PRUNE2: variants seen among roughly 807,000 people sequenced by gnomAD.
PRUNE2 encodes the protein prune homolog 2 with BCH domain.
In PRUNE2, 164 loss-of-function variants were observed where a neutral mutation model predicts 252.0. The observed-to-expected ratio is 0.65, with a 90% CI of 0.57 to 0.74. The LOEUF is 0.74. Ranked by LOEUF, PRUNE2 falls within the 30% of genes least tolerant of loss-of-function variation. The pLI, the probability that PRUNE2 is intolerant of heterozygous loss-of-function variation, is 0.00. For missense variants in PRUNE2, 3,495 were observed against 3,711.0 expected (o/e 0.94, Z 1.51); for synonymous variants, 1,292 against 1,350.2 (o/e 0.96, Z 0.94).
intron 6 of PRUNE2, among the ~76,000 whole-genome samples, chr9:76,749,769 T>C (rs1225220211): frequency 6.6e-6 from 1 of 152,150 alleles, no homozygotes; most frequent in African/African-American, 2.4e-5. Context: ...AAAGTACCAC[T>C]TTAACTGGAA....
Position 76,884,579 on chromosome 9 carries a change from A to G in PRUNE2, c.36+21349T>C, listed in dbSNP as rs191049832. On this transcript the variant is annotated intron_variant, in intron 1 of 18. Transcript: ENST00000376718. ...TTTATGTGCACAGTGCTGCAAGAAA[A>G]ATACATAAGAACTGATTCTTGTTCC... Among the ~76,000 whole-genome samples, 3 of 152,302 alleles carry G rather than the reference A, an allele frequency of 2.0e-5. No individual in the cohort carries two copies. In the East Asian group the frequency reaches 5.8e-4, roughly 29 times the overall value.
At chr9:76,884,828 G>A (rs751784466) in intron 1 of PRUNE2, among the ~76,000 whole-genome samples, 1 of 152,200 alleles carries the variant, frequency 6.6e-6, no homozygotes, top group Non-Finnish European at 1.5e-5. Context: ...GAAAAGGCCA[G>A]TTATTTGCTA....
At chr9:76,641,896 C>A in intron 12 of PRUNE2, 6 of 1,500,710 alleles carry the variant, frequency 4.0e-6, no homozygotes, top group Non-Finnish European at 4.4e-6. Flanking sequence ...AACATACACA[C>A]ACACACACCA....
chr9:76,851,417 A>G (rs775555476), intron 2 of PRUNE2, among the ~76,000 whole-genome samples: 14 of 152,084 alleles, frequency 9.2e-5, no homozygotes, highest in Non-Finnish European at 1.8e-4. Flanking sequence ...GCATGGTGGC[A>G]GGTATCTGTA....
intron 4 of PRUNE2, 76 bp downstream of exon 4, chr9:76,846,439 C>T (rs2059673339): frequency 7.7e-7 from 1 of 1,300,408 alleles, no homozygotes; most frequent in Admixed American, 2.1e-5. Flanking sequence ...GAATGGATCG[C>T]ATTCTTTCTA....
chr9:76,787,245 C>A (rs1427788593), intron 6 of PRUNE2: 1 of 151,440 alleles, frequency 6.6e-6, no homozygotes, highest in Non-Finnish European at 1.5e-5. Flanking sequence ...TCTTTTATCA[C>A]CAAAGTGGCT....
chr9:76,805,754 A>T (rs1306673670), intron 6 of PRUNE2, among the ~76,000 whole-genome samples: 1 of 152,172 alleles, frequency 6.6e-6, no homozygotes, highest in Non-Finnish European at 1.5e-5. Context: ...GGACTAGGTA[A>T]TCATCAATGG....
At chr9:76,682,304 T>A (rs2043541097) in intron 9 of PRUNE2, among the ~76,000 whole-genome samples, 1 of 150,954 alleles carries the variant, frequency 6.6e-6, no homozygotes, top group African/African-American at 2.4e-5. Flanking sequence ...TTATATATGA[T>A]AGAAAATATA....
chr9:76,784,578 C>G (rs2054776313), intron 6 of PRUNE2: 1 of 152,228 alleles, frequency 6.6e-6, no homozygotes, highest in African/African-American at 2.4e-5. Flanking sequence ...CAGCCACACT[C>G]ATTTTTAATA....
intron 15 of PRUNE2, among the ~76,000 whole-genome samples, chr9:76,634,833 T>C (rs1839288748): frequency 6.6e-6 from 1 of 152,240 alleles, no homozygotes; most frequent in Non-Finnish European, 1.5e-5. Flanking sequence ...GATGAATCAG[T>C]AACTATGCTA....
At chr9:76,813,658 T>C (rs1333636385) in intron 6 of PRUNE2, among the ~76,000 whole-genome samples, 2 of 152,188 alleles carry the variant, frequency 1.3e-5, no homozygotes, top group African/African-American at 2.4e-5. Flanking sequence ...AACTACATTT[T>C]TGTTGCAATT....
At chr9:76,835,721 T>A (rs979414877) in intron 4 of PRUNE2, among the ~76,000 whole-genome samples, 8 of 152,100 alleles carry the variant, frequency 5.3e-5, no homozygotes, top group Non-Finnish European at 7.3e-5. Context: ...AGGAGAGAGA[T>A]GATTCACTCT....
chr9:76,649,608 TA>T (rs1846427097), intron 11 of PRUNE2, among the ~76,000 whole-genome samples: 7 of 96,142 alleles, frequency 7.3e-5, no homozygotes, highest in South Asian at 4.1e-4. Flanking sequence ...GATAGATAGA[TA>T]GATGATAGAT....
At chr9:76,792,420 A>G (rs1347335598) in intron 6 of PRUNE2, among the ~76,000 whole-genome samples, 1 of 152,138 alleles carries the variant, frequency 6.6e-6, no homozygotes, top group African/African-American at 2.4e-5. Flanking sequence ...TAGCAGCGTG[A>G]GAATGGACTA....
intron 6 of PRUNE2, among the ~76,000 whole-genome samples, chr9:76,791,309 T>A (rs58271836): frequency 8.6e-4 from 57 of 66,634 alleles, no homozygotes; most frequent in African/African-American, 3.4e-3. Flanking sequence ...CTGCACCAAT[T>A]ATCATTGGTA....
chr9:76,775,600 C>T (rs1442177508), intron 6 of PRUNE2, among the ~76,000 whole-genome samples: 1 of 152,150 alleles, frequency 6.6e-6, no homozygotes, highest in Non-Finnish European at 1.5e-5. Flanking sequence ...TCTGCCCAGC[C>T]TATTTTGTCA....
At chr9:76,842,351 A>G (rs985076992) in intron 4 of PRUNE2, among the ~76,000 whole-genome samples, 1 of 152,270 alleles carries the variant, frequency 6.6e-6, no homozygotes, top group Non-Finnish European at 1.5e-5. Context: ...GATGGATTAA[A>G]GACTTAAACA....
At chr9:76,670,560 G>A (rs1382718845) in intron 9 of PRUNE2, among the ~76,000 whole-genome samples, 1 of 152,236 alleles carries the variant, frequency 6.6e-6, no homozygotes, top group Non-Finnish European at 1.5e-5. Flanking sequence ...ACAGCTCAAG[G>A]AGGCCTGCCT....
At chr9:76,889,911 A>G (rs1456987785) in intron 1 of PRUNE2, among the ~76,000 whole-genome samples, 1 of 152,220 alleles carries the variant, frequency 6.6e-6, no homozygotes, top group East Asian at 1.9e-4. Flanking sequence ...TTAGAAGTGC[A>G]AAATCCCGGG....
Sources: allele counts gnomAD v4.1 joint callset (sites outside exome capture counted in the v4.1 genomes callset), GRCh38; gene constraint gnomAD v4.1.1; transcripts MANE v1.5; gene names NCBI Gene and HGNC (gene_info 2026-07-23, HGNC 2026-07-21).